The following IKBIP variants were observed in gnomAD, a reference collection of about 807,000 sequenced individuals.
IKBIP encodes inhibitor of nuclear factor kappa-B kinase-interacting protein.
A neutral mutation model predicts 31.0 loss-of-function variants in IKBIP; 28 were observed. That is an observed-to-expected ratio of 0.90 (90% CI 0.67 to 1.24). The LOEUF is 1.24. Ranked by LOEUF, IKBIP falls within the 50% of genes most tolerant of loss-of-function variation. IKBIP has a pLI of 0.00. For synonymous variants in IKBIP, 164 were observed against 160.3 expected, an observed-to-expected ratio of 1.02 and a Z score of -0.17; for missense variants, 453 against 441.9, an observed-to-expected ratio of 1.03 and a Z score of -0.23.
chr12:98,644,541 GT>G lies in IKBIP; in HGVS notation c.160del (p.Thr54ArgfsTer26). On this transcript the variant is annotated frameshift_variant, in exon 1 of 3. Transcript: ENST00000299157. LOFTEE classifies it high-confidence loss of function. ...RTCLSLLSLG[T>X]CLGLAWFVFQ... is the part of the protein sequence containing the mutation. Reference sequence around the variant, plus strand: ...CACTTACCAGGCCAGGCCCAGGCACGTCCCCAGCGACAGCAGGCTCAGGCAC... The same window carrying G: ...CACTTACCAGGCCAGGCCCAGGCACGCCCCAGCGACAGCAGGCTCAGGCAC... 1.9e-6 allele frequency: 3 copies of G among 1,604,052 alleles called. No homozygotes were observed. The highest frequency in any genetic ancestry group is 2.6e-6 in the Non-Finnish European group (3 of 1,176,182).
intron 1 of IKBIP, among the ~76,000 whole-genome samples, chr12:98,636,894 C>T (rs1412331590): frequency 6.6e-6 from 1 of 151,492 alleles, no homozygotes; most frequent in South Asian, 2.1e-4. Flanking sequence ...CTCCTCACGC[C>T]TTCCTGTCCC....
chr12:98,643,812 G>GTTTTCTTTTTTTTTTTTTTTTTCC (rs1555212501), intron 1 of IKBIP, among the ~76,000 whole-genome samples: 17 of 131,106 alleles, frequency 1.3e-4, no homozygotes, highest in Admixed American at 3.6e-4. Flanking sequence ...TAATGATATG[G>GTTTTCTTTTTTTTTTTTTTTTTCC]TTTTCTTTTT....
In IKBIP at chr12:98,627,492, G is replaced by A. The variant is rs369802474; in HGVS notation, c.298-726C>T. ...CTCGCTCTGTCGCCCAGGCTGGAGTGCAGTGGCGTGATCTCGGCTCACTGC... is the reference window on the plus strand; with the variant it reads ...CTCGCTCTGTCGCCCAGGCTGGAGTACAGTGGCGTGATCTCGGCTCACTGC... On this transcript the variant is annotated intron_variant, in intron 2 of 2. Transcript: ENST00000299157. Among the ~76,000 whole-genome samples the A allele has an allele frequency of 1.0e-4, 15 of 146,372 alleles. 2 individuals are homozygous for A. Among genetic ancestry groups the A allele is most frequent in the East Asian group, 4.0e-4 (2 of 4,968 alleles).
intron 1 of IKBIP, among the ~76,000 whole-genome samples, chr12:98,638,409 G>A (rs1041737983): frequency 3.3e-5 from 5 of 151,928 alleles, no homozygotes; most frequent in Admixed American, 2.6e-4. Flanking sequence ...AGCCTCCTGA[G>A]TAGCTGGGAA....
At chr12:98,620,164 G>C (rs1471516345), downstream of IKBIP, among the ~76,000 whole-genome samples, 1 of 140,168 alleles carries the variant, frequency 7.1e-6, no homozygotes, top group Non-Finnish European at 1.5e-5. Flanking sequence ...CAAGTAATCC[G>C]CCCACCTCAG....
chr12:98,613,727 C>G, exon 3 of IKBIP: 1 of 1,612,708 alleles, frequency 6.2e-7, no homozygotes, highest in Non-Finnish European at 8.5e-7. Flanking sequence ...TCTCCCAATG[C>G]GTAGTGTTAA....
downstream of IKBIP, among the ~76,000 whole-genome samples, chr12:98,623,560 C>CTTTTTTTTTTTTTTT (rs35433597): frequency 1.6e-5 from 1 of 64,190 alleles, no homozygotes; most frequent in Non-Finnish European, 2.6e-5. Flanking sequence ...CCTCCTTACA[C>CTTTTTTTTTTTTTTT]TTTTTTTTTT....
chr12:98,637,250 A>T (rs550735133), intron 1 of IKBIP, among the ~76,000 whole-genome samples: 3 of 152,216 alleles, frequency 2.0e-5, no homozygotes, highest in Non-Finnish European at 4.4e-5. Flanking sequence ...ATAAGAAAAA[A>T]GTACAAAGCT....
At chr12:98,627,981 G>A (rs1011049143) in intron 2 of IKBIP, among the ~76,000 whole-genome samples, 5 of 152,220 alleles carry the variant, frequency 3.3e-5, no homozygotes, top group Admixed American at 3.3e-4. Flanking sequence ...TGTAAATTAT[G>A]CTAAGCCTCC....
At chr12:98,632,174 T>C (rs1223626403) in intron 2 of IKBIP, among the ~76,000 whole-genome samples, 1 of 151,766 alleles carries the variant, frequency 6.6e-6, no homozygotes, top group Non-Finnish European at 1.5e-5. Context: ...TTTAATTAAA[T>C]ATGTGAAGTT....
chr12:98,631,201 T>C (rs567455685), intron 2 of IKBIP, among the ~76,000 whole-genome samples: 2 of 152,010 alleles, frequency 1.3e-5, no homozygotes, highest in South Asian at 4.2e-4. Flanking sequence ...CCCAAAGTGC[T>C]GGGATTACAG....
At chr12:98,629,121 C>A (rs936222653) in intron 2 of IKBIP, among the ~76,000 whole-genome samples, 2 of 152,206 alleles carry the variant, frequency 1.3e-5, no homozygotes, top group African/African-American at 4.8e-5. Context: ...CCCTACATCT[C>A]AGAGTACAAA....
chr12:98,620,659 C>T (rs983116422), downstream of IKBIP, among the ~76,000 whole-genome samples: 1 of 152,092 alleles, frequency 6.6e-6, no homozygotes, highest in African/African-American at 2.4e-5. Context: ...GCCACTGCAC[C>T]CAGCTAGGTT....
At chr12:98,620,860 A>G (rs1174127588), downstream of IKBIP, among the ~76,000 whole-genome samples, 1 of 151,828 alleles carries the variant, frequency 6.6e-6, no homozygotes, top group Non-Finnish European at 1.5e-5. Flanking sequence ...TTTTTTTTAT[A>G]TTAAAAAAAG....
At chr12:98,631,024 C>A (rs550563393) in intron 2 of IKBIP, among the ~76,000 whole-genome samples, 6 of 151,968 alleles carry the variant, frequency 3.9e-5, no homozygotes, top group Admixed American at 3.9e-4. Context: ...CCTCCACCTC[C>A]CAGGTTCAAG....
Position 98,644,563 on chromosome 12 carries a change from G to C in IKBIP, c.139C>G (p.Leu47Val). The C allele has an allele frequency of 6.2e-7, 1 of 1,608,372 alleles. No individual in the cohort carries two copies. The highest frequency in any genetic ancestry group is 1.1e-5 in the South Asian group (1 of 90,610). ...CACGTCCCCAGCGACAGCAGGCTCA[G>C]GCACGTTCGGGGGTCTGCCCAGCCC... Reference protein sequence around the residue: ...GGGWADPRTCLSLLSLGTCLG... With the variant: ...GGGWADPRTCVSLLSLGTCLG... The change falls in exon 1 of 3, where the codon CTG (leucine) becomes GTG (valine). Residue 47 changes from leucine (L) to valine (V), a missense_variant. Physicochemically the swap from Leu to Val is conservative, Grantham distance 32. Transcript: ENST00000299157.
At chr12:98,632,483 G>GGAAAAAAAAAA (rs1246465286) in intron 2 of IKBIP, among the ~76,000 whole-genome samples, 1 of 11,564 alleles carries the variant, frequency 8.6e-5, no homozygotes, top group African/African-American at 2.9e-4. Context: ...GACTCTATCT[G>GGAAAAAAAAAA]AAAAAAAAAA....
intron 2 of IKBIP, among the ~76,000 whole-genome samples, chr12:98,632,349 C>T (rs2153299015): frequency 6.7e-6 from 1 of 149,508 alleles, no homozygotes; most frequent in African/African-American, 2.5e-5. Context: ...AGTGGCGTGC[C>T]TGTTAGTCCC....
At chr12:98,617,914 A>G (rs2097607156) in intron 2 of IKBIP, among the ~76,000 whole-genome samples, 1 of 152,212 alleles carries the variant, frequency 6.6e-6, no homozygotes, top group African/African-American at 2.4e-5. Flanking sequence ...GGAAATTATA[A>G]CTTTCTATTA....
Sources: gnomAD v4.1 joint callset for allele counts (sites outside exome capture counted in the v4.1 genomes callset) on GRCh38, gnomAD v4.1.1 for gene constraint, MANE v1.5 for transcripts, NCBI Gene and HGNC (gene_info 2026-07-23, HGNC 2026-07-21) for gene names.